The following CNTNAP5 variants were observed in gnomAD, a reference collection of about 807,000 sequenced individuals.
The protein encoded by CNTNAP5 is contactin-associated protein-like 5.
CNTNAP5 carries 72 observed loss-of-function variants against 150.2 expected under a neutral mutation model. The ratio of observed to expected loss-of-function variants is 0.48; its 90% CI spans 0.40 to 0.58. The LOEUF (loss-of-function observed/expected upper bound fraction) is 0.58, where lower values mean the gene tolerates loss of function less well. Among genes scored for constraint, CNTNAP5 ranks in the 20% least tolerant of loss-of-function variants. The probability of loss-of-function intolerance (pLI) is 0.00; values close to 1 mark genes in which losing one functional copy is unlikely to be tolerated. For synonymous variants in CNTNAP5, 672 were observed against 619.8 expected, an observed-to-expected ratio of 1.08 and a Z score of -1.25; for missense variants, 1,636 against 1,626.2, an observed-to-expected ratio of 1.01 and a Z score of -0.10.
intron 1 of CNTNAP5, among the ~76,000 whole-genome samples, chr2:124,199,721 C>A (rs778860032): frequency 1.3e-5 from 2 of 152,052 alleles, no homozygotes; most frequent in African/African-American, 2.4e-5. Flanking sequence ...GGCTGGTATT[C>A]TAAAGTTCTT....
intron 1 of CNTNAP5, among the ~76,000 whole-genome samples, chr2:124,206,303 G>C (rs1307541520): frequency 6.6e-6 from 1 of 152,192 alleles, no homozygotes; most frequent in Non-Finnish European, 1.5e-5. Context: ...GCCTGTCCCA[G>C]TGGCCTATTG....
At chr2:124,522,374 G>C (rs753929994) in intron 8 of CNTNAP5, among the ~76,000 whole-genome samples, 1 of 152,116 alleles carries the variant, frequency 6.6e-6, no homozygotes. Flanking sequence ...CTCTCATTCC[G>C]CCTCCTGGGG....
chr2:124,182,498 C>T (rs780691731), intron 1 of CNTNAP5, among the ~76,000 whole-genome samples: 1 of 152,096 alleles, frequency 6.6e-6, no homozygotes, highest in Admixed American at 6.5e-5. Context: ...AACCTTGTAT[C>T]GATCAAGACG....
intron 8 of CNTNAP5, among the ~76,000 whole-genome samples, chr2:124,513,584 A>G (rs1250374968): frequency 6.6e-6 from 1 of 152,220 alleles, no homozygotes; most frequent in Non-Finnish European, 1.5e-5. Context: ...ACACGCATGA[A>G]TACACTAGTG....
At chr2:124,856,086 G>A (rs1677366854) in intron 19 of CNTNAP5, among the ~76,000 whole-genome samples, 1 of 150,686 alleles carries the variant, frequency 6.6e-6, no homozygotes, top group Non-Finnish European at 1.5e-5. Context: ...GTGTGTGTGT[G>A]TGTGTGTGTG....
rs1332567596 is a variant in CNTNAP5, at chr2:124,704,473, T to TTCC, written c.2078-42754_2078-42752dup. Among the ~76,000 whole-genome samples the TTCC allele has an allele frequency of 2.0e-5, 3 of 148,600 alleles. 1 individual carries two copies. The highest frequency in any genetic ancestry group is 7.3e-5 in the African/African-American group (3 of 41,182). On this transcript the variant is annotated intron_variant, in intron 13 of 23. Transcript: ENST00000682447. ...GCCAGGAACTATATCTGTTTACTTATTCCTGTCCATTGGAAGGAAAAATAG... is the reference window on the plus strand; with the variant it reads ...GCCAGGAACTATATCTGTTTACTTATTCCTCCTGTCCATTGGAAGGAAAAATAG...
chr2:124,211,672 C>T lies in CNTNAP5; in HGVS notation c.83-10033C>T, dbSNP rs1027763512. Among the ~76,000 whole-genome samples, 9 of 152,324 alleles carry T rather than the reference C, an allele frequency of 5.9e-5. No individual in the cohort carries two copies. In the East Asian group the frequency reaches 1.2e-3, roughly 20 times the overall value. On this transcript the variant is annotated intron_variant, in intron 1 of 23. Coordinates refer to ENST00000682447, the MANE Select transcript of CNTNAP5 (RefSeq NM_001367498.1). The stretch of plus-strand genomic sequence containing the variant: ...TATCAGTACACGTTTAACCCATCCA[C>T]TTCTAAATGTTTGGCATTGACCCCA...
chr2:124,559,748 A>C (rs950751009), intron 10 of CNTNAP5, among the ~76,000 whole-genome samples: 5 of 152,206 alleles, frequency 3.3e-5, no homozygotes, highest in African/African-American at 1.2e-4. Context: ...AGCTGATTAA[A>C]GAATGTGGAA....
At chr2:124,085,212 G>C (rs960509736) in intron 1 of CNTNAP5, among the ~76,000 whole-genome samples, 3 of 152,042 alleles carry the variant, frequency 2.0e-5, no homozygotes, top group African/African-American at 7.2e-5. Flanking sequence ...GAGCCACCAC[G>C]TCTGGCCGAA....
chr2:124,125,974 A>G (rs1683687881), intron 1 of CNTNAP5, among the ~76,000 whole-genome samples: 1 of 152,224 alleles, frequency 6.6e-6, no homozygotes, highest in South Asian at 2.1e-4. Flanking sequence ...AAGATCTAAA[A>G]TTGACACCCT....
intron 1 of CNTNAP5, among the ~76,000 whole-genome samples, chr2:124,091,304 A>T (rs990843804): frequency 2.6e-5 from 4 of 152,202 alleles, no homozygotes; most frequent in Non-Finnish European, 4.4e-5. Context: ...GCCTGAATTT[A>T]GTTAACTACG....
chr2:124,696,705 A>T (rs1209548212), intron 13 of CNTNAP5, among the ~76,000 whole-genome samples: 1 of 152,214 alleles, frequency 6.6e-6, no homozygotes, highest in Non-Finnish European at 1.5e-5. Context: ...CTTTTGAAGC[A>T]TCTAAGGTGA....
chr2:124,078,654 T>A (rs116480149), intron 1 of CNTNAP5, among the ~76,000 whole-genome samples: 1,682 of 152,356 alleles, frequency 0.011, 29 homozygotes, highest in Non-Finnish European at 0.014. Flanking sequence ...AGATAGAATA[T>A]ACTTTCTGTC....
chr2:124,405,771 G>A (rs555837647), intron 3 of CNTNAP5, among the ~76,000 whole-genome samples: 2 of 152,140 alleles, frequency 1.3e-5, no homozygotes, highest in Non-Finnish European at 1.5e-5. Flanking sequence ...GCATGGAATC[G>A]TGCTGTTTGC....
chr2:124,621,672 C>G (rs960207165), intron 12 of CNTNAP5, among the ~76,000 whole-genome samples: 2 of 152,138 alleles, frequency 1.3e-5, no homozygotes, highest in Non-Finnish European at 2.9e-5. Flanking sequence ...AAATTGGTAG[C>G]CTTGCTTCCT....
chr2:124,607,289 T>C (rs1257196694), intron 11 of CNTNAP5, among the ~76,000 whole-genome samples: 2 of 152,122 alleles, frequency 1.3e-5, no homozygotes, highest in Non-Finnish European at 2.9e-5. Context: ...TAAGGCTTGA[T>C]ATGGGGATCT....
intron 3 of CNTNAP5, among the ~76,000 whole-genome samples, chr2:124,328,231 A>G (rs1689268469): frequency 6.6e-6 from 1 of 152,152 alleles, no homozygotes; most frequent in Non-Finnish European, 1.5e-5. Context: ...ACTTTAGAGT[A>G]AAAATTCCAC....
At chr2:124,616,209 C>T (rs528000351) in intron 12 of CNTNAP5, among the ~76,000 whole-genome samples, 31 of 152,290 alleles carry the variant, frequency 2.0e-4, no homozygotes, top group Admixed American at 1.2e-3. Flanking sequence ...CTCTTCTCTA[C>T]CTCTGATAAT....
chr2:124,031,947 T>A (rs148130723), intron 1 of CNTNAP5, among the ~76,000 whole-genome samples: 1,564 of 152,298 alleles, frequency 0.01, 28 homozygotes, highest in African/African-American at 0.035. Flanking sequence ...GATTTAAATG[T>A]TAATAGTTTT....
Sources: gnomAD v4.1 joint callset for allele counts (sites outside exome capture counted in the v4.1 genomes callset) on GRCh38, gnomAD v4.1.1 for gene constraint, MANE v1.5 for transcripts, NCBI Gene and HGNC (gene_info 2026-07-23, HGNC 2026-07-21) for gene names.